The following DDB1 variants were observed in gnomAD, a reference collection of about 807,000 sequenced individuals.
DDB1 encodes DNA damage-binding protein 1.
Under a neutral mutation model 133.1 loss-of-function variants are expected in DDB1, and 18 were observed. That is an observed-to-expected ratio of 0.14 (90% confidence interval 0.09 to 0.20). DDB1 has a LOEUF of 0.20. Among genes scored for constraint, DDB1 ranks in the 10% least tolerant of loss-of-function variants. The pLI, the probability that DDB1 is intolerant of heterozygous loss-of-function variation, is 1.00. For missense variants in DDB1, 828 were observed against 1,459.2 expected (o/e 0.57, Z 7.05); for synonymous variants, 580 against 550.5 (o/e 1.05, Z -0.75).
chr11:61,322,978 C>T, intron 8 of DDB1, 33 bp downstream of exon 8: 2 of 1,589,638 alleles, frequency 1.3e-6, no homozygotes, highest in Non-Finnish European at 1.7e-6. Flanking sequence ...GTGAGTACAG[C>T]AAAAAAGAAA....
chr11:61,330,202 G>C (rs2134940175), intron 2 of DDB1, 128 bp from the exon 3 acceptor site: 1 of 694,776 alleles, frequency 1.4e-6, no homozygotes, highest in Non-Finnish European at 2.4e-6. Context: ...AAAATACATG[G>C]TGAGCTTGTA....
In DDB1 at chr11:61,333,012, G is replaced by GA; in HGVS notation, c.-45dup. 6.9e-7 allele frequency: 1 copy of GA among 1,458,374 alleles called. No homozygotes were observed. The highest frequency in any genetic ancestry group is 1.3e-5 in the South Asian group (1 of 75,884). The allele number at this position is 1,458,374 out of a possible 1,614,324, so 90.3% of individuals were successfully genotyped here. ...CCGTCGGGACTCGAGCGCGACACTA[G>GA]AAAGAGGGACACAAGCGAAAAGACA... On this transcript the variant is annotated 5_prime_UTR_variant, in exon 1 of 27. Coordinates refer to ENST00000301764, the MANE Select transcript of DDB1 (RefSeq NM_001923.5).
At chr11:61,302,429 G>GCAGCC in intron 24 of DDB1, 70 bp from the exon 25 acceptor site, 2 of 1,583,984 alleles carry the variant, frequency 1.3e-6, no homozygotes, top group South Asian at 2.2e-5. Context: ...TACGTAAAGG[G>GCAGCC]CAGCCCAGGT....
chr11:61,320,367 T>C (rs1405401094), intron 10 of DDB1, among the ~76,000 whole-genome samples: 3 of 151,622 alleles, frequency 2.0e-5, no homozygotes, highest in Non-Finnish European at 4.4e-5. Context: ...GCCTGGCTAA[T>C]TTTTTGTATT....
chr11:61,316,214 C>T (rs912823543), intron 12 of DDB1, 71 bp downstream of exon 12: 3 of 1,335,958 alleles, frequency 2.2e-6, no homozygotes, highest in Admixed American at 2.1e-5. Flanking sequence ...TTTTAAAATC[C>T]AGTGGTGCTC....
chr11:61,314,798 G>T, intron 12 of DDB1: 1 of 161,286 alleles, frequency 6.2e-6, no homozygotes, highest in Non-Finnish European at 1.3e-5. Context: ...AATAGAGTAA[G>T]ACCCTGTGAC....
At chr11:61,310,244 C>A in intron 19 of DDB1, 51 bp downstream of exon 19, 1 of 1,579,528 alleles carries the variant, frequency 6.3e-7, no homozygotes, top group South Asian at 1.2e-5. Context: ...CCCAGAACAG[C>A]CTGGATTAGG....
At chr11:61,301,964 T>G in intron 25 of DDB1, 1 of 261,710 alleles carries the variant, frequency 3.8e-6, no homozygotes, top group Non-Finnish European at 7.5e-6. Flanking sequence ...AAATTCACAT[T>G]TGGCCTGCTA....
chr11:61,300,691 C>CA (rs1351223950), intron 26 of DDB1, 118 bp downstream of exon 26: 2 of 1,483,598 alleles, frequency 1.3e-6, no homozygotes, highest in Non-Finnish European at 9.2e-7. Flanking sequence ...GTAAGGATTA[C>CA]ACAGAGGTCC....
intron 21 of DDB1, among the ~76,000 whole-genome samples, chr11:61,307,188 A>C (rs921268791): frequency 6.6e-6 from 1 of 152,254 alleles, no homozygotes; most frequent in Non-Finnish European, 1.5e-5. Context: ...TTGAAAAATT[A>C]AAAACAGAAA....
At chr11:61,300,773 C>G (rs1482110901) in intron 26 of DDB1, 36 bp downstream of exon 26, 3 of 1,612,612 alleles carry the variant, frequency 1.9e-6, no homozygotes, top group Non-Finnish European at 2.5e-6. Context: ...CTGCAGTGGA[C>G]TTGTCTGGCC....
intron 9 of DDB1, 74 bp downstream of exon 9, chr11:61,322,222 C>G: frequency 8.4e-7 from 1 of 1,192,208 alleles, no homozygotes; most frequent in Non-Finnish European, 1.2e-6. Flanking sequence ...CCTCCCCATT[C>G]TAGATAAGCA....
Position 61,300,090 on chromosome 11 carries a change from G to A in DDB1, c.*46C>T, listed in dbSNP as rs748216785. On this transcript the variant is annotated 3_prime_UTR_variant, in exon 27 of 27. Coordinates refer to ENST00000301764, the MANE Select transcript of DDB1 (RefSeq NM_001923.5). The stretch of plus-strand genomic sequence containing the variant: ...GTGGAGAGGAGGGGGAGGGCAGCAG[G>A]GCAAAGCCTTTGGGGAGGGTCAGCA... 1.3e-5 allele frequency: 20 copies of A among 1,598,348 alleles called. No homozygotes were observed. In the Admixed American group the frequency reaches 3.2e-4, roughly 25 times the overall value.
chr11:61,301,103 A>C lies in DDB1; in HGVS notation c.3216-171T>G, dbSNP rs1269305020. 7.7e-6 allele frequency: 7 copies of C among 905,140 alleles called. No individual in the cohort carries two copies. The Admixed American group carries it at 2.0e-4, about 26-fold the overall frequency. 56.1% of individuals were successfully genotyped at this position (905,140 alleles called of 1,614,324 possible). On this transcript the variant is annotated intron_variant, in intron 25 of 26. Coordinates refer to ENST00000301764, the MANE Select transcript of DDB1 (RefSeq NM_001923.5). ...TTTTGGAATTGAAAAAAATGTAAAA[A>C]TATGACCTAATCTAATTGGTTCTCA... is the stretch of plus-strand genomic sequence containing the variant.
At chr11:61,319,581 G>T in intron 10 of DDB1, among the ~76,000 whole-genome samples, 1 of 151,988 alleles carries the variant, frequency 6.6e-6, no homozygotes, top group Middle Eastern at 3.4e-3. Flanking sequence ...ACAGGCACGC[G>T]CCACCACCCC....
At position 61,302,989 on chromosome 11, in the gene DDB1, C is replaced by T. The variant is rs1330322054; in HGVS notation, c.2942+57G>A. 5 of 1,512,576 alleles carry T rather than the reference C, an allele frequency of 3.3e-6. No individual in the cohort carries two copies. In the East Asian group the frequency reaches 9.0e-5, roughly 27 times the overall value. 93.7% of individuals were successfully genotyped at this position (1,512,576 alleles called of 1,614,324 possible). On this transcript the variant is annotated intron_variant, in intron 23 of 26. Coordinates refer to ENST00000301764, the MANE Select transcript of DDB1 (RefSeq NM_001923.5). ...CACAGAACCCAATGCTTGCATCCAC[C>T]AGAGACCAAGGAACTCCCAGCCCTC...
chr11:61,302,022 T>C (rs1855804024), intron 25 of DDB1: 1 of 413,518 alleles, frequency 2.4e-6, no homozygotes, highest in Non-Finnish European at 4.4e-6. Context: ...TAAATGTACA[T>C]TTCCAAGATG....
intron 25 of DDB1, 27 bp from the exon 26 acceptor site, chr11:61,300,959 G>C (rs574346571): frequency 6.2e-7 from 1 of 1,613,300 alleles, no homozygotes; most frequent in East Asian, 2.2e-5. Context: ...AGGAACACGT[G>C]CTTATCAGGA....
intron 22 of DDB1, chr11:61,303,483 T>A: frequency 3.2e-6 from 1 of 307,840 alleles, no homozygotes. Context: ...GGTCAGGAGA[T>A]CGAGACCATC....
Sources: allele counts gnomAD v4.1 joint callset (sites outside exome capture counted in the v4.1 genomes callset), GRCh38; gene constraint gnomAD v4.1.1; transcripts MANE v1.5; gene names NCBI Gene and HGNC (gene_info 2026-07-23, HGNC 2026-07-21).